Variants in CACNA1S observed in about 807,000 individuals in gnomAD.
The protein encoded by CACNA1S is voltage-dependent L-type calcium channel subunit alpha-1S.
Under a neutral mutation model 207.4 loss-of-function variants are expected in CACNA1S, and 126 were observed. The ratio of observed to expected loss-of-function variants is 0.61; its 90% CI spans 0.53 to 0.70. The LOEUF (loss-of-function observed/expected upper bound fraction) is 0.70, where lower values mean the gene tolerates loss of function less well. CACNA1S is among the 30% of genes least tolerant of loss of function. The pLI, the probability that CACNA1S is intolerant of heterozygous loss-of-function variation, is 0.00. For synonymous variants in CACNA1S, 960 were observed against 932.7 expected, an observed-to-expected ratio of 1.03 and a Z score of -0.53; for missense variants, 2,349 against 2,422.8, an observed-to-expected ratio of 0.97 and a Z score of 0.64.
At chr1:201,092,152 T>C (rs1662258266) in intron 3 of CACNA1S, 38 bp from the exon 4 acceptor site, 5 of 1,613,834 alleles carry the variant, frequency 3.1e-6, no homozygotes, top group Non-Finnish European at 4.2e-6. Flanking sequence ...GTCCAGGGGT[T>C]GGAAAAGCCA....
intron 17 of CACNA1S, 43 bp from the exon 18 acceptor site, chr1:201,069,644 T>A (rs1661382993): frequency 3.9e-6 from 6 of 1,549,070 alleles, no homozygotes; most frequent in Non-Finnish European, 5.2e-6. Context: ...TGTGAGCTGC[T>A]GGAGGCTCAG....
rs567026167 is a variant in CACNA1S at position 201,104,078 on chromosome 1, A to G, written c.258+6086T>C. Among the ~76,000 whole-genome samples, 8 of 152,366 alleles carry G rather than the reference A, an allele frequency of 5.3e-5. No homozygotes were observed. In the East Asian group the frequency reaches 1.5e-3, roughly 29 times the overall value. ...ATTATCCAGAACTTGGAAATAAAGC[A>G]AAGAAAGGATGCCATATCTTTGTAA... On this transcript the variant is annotated intron_variant, in intron 2 of 43. Coordinates refer to ENST00000362061, the MANE Select transcript of CACNA1S (RefSeq NM_000069.3).
chr1:201,072,895 G>A lies in CACNA1S; in HGVS notation c.2158-71C>T, dbSNP rs560844054. 7 of 1,135,366 alleles carry A rather than the reference G, an allele frequency of 6.2e-6. No individual in the cohort carries two copies. In the African/African-American group the frequency reaches 9.1e-5, roughly 15 times the overall value. 70.3% of individuals were successfully genotyped at this position (1,135,366 alleles called of 1,614,324 possible). A position where few individuals can be genotyped will look rare whatever the true frequency, so the allele number is the denominator to read the frequency against. ...GGTTTCCCCTCAATGAGCATATACT[G>A]GAGAGCCTGTTAGCGTTCAGCTCAC... On this transcript the variant is annotated intron_variant, in intron 15 of 43. Transcript: ENST00000362061.
chr1:201,069,245 A>T (rs376923383), intron 18 of CACNA1S, 49 bp from the exon 19 acceptor site: 18 of 1,552,432 alleles, frequency 1.2e-5, no homozygotes, highest in Non-Finnish European at 1.6e-5. Context: ...AGGAGGGGGC[A>T]ACAGTATCAG....
chr1:201,086,533 G>A (rs1286912412), intron 7 of CACNA1S, among the ~76,000 whole-genome samples: 8 of 152,292 alleles, frequency 5.3e-5, no homozygotes, highest in South Asian at 4.1e-4. Flanking sequence ...CCTGGACAGC[G>A]TGTTACCATA....
chr1:201,069,737 C>T, intron 17 of CACNA1S, 136 bp from the exon 18 acceptor site: 1 of 1,028,864 alleles, frequency 9.7e-7, no homozygotes, highest in Admixed American at 2.2e-5. Flanking sequence ...CAGCCCTGCA[C>T]CTGCAGGGTC....
In CACNA1S at chr1:201,093,733, T is replaced by C. The variant is rs10920114; in HGVS notation, c.398+149A>G. 9.5e-3 allele frequency: 9,029 copies of C among 951,310 alleles called. 367 individuals carry two copies. In the African/African-American group the frequency reaches 0.11, roughly 11 times the overall value. 58.9% of individuals were successfully genotyped at this position (951,310 alleles called of 1,614,324 possible). On this transcript the variant is annotated intron_variant, in intron 3 of 43. Transcript: ENST00000362061. ...CCACCAACATGGACAGCTCCCTTGC[T>C]GGGCCGGCCTCTAACAGAGGCTGCT...
chr1:201,073,044 GC>G (rs1449575072), intron 15 of CACNA1S, among the ~76,000 whole-genome samples: 1 of 152,166 alleles, frequency 6.6e-6, no homozygotes, highest in African/African-American at 2.4e-5. Context: ...GCCTGAGCCC[GC>G]CCTAGCCTGT....
rs764561113 is a variant in CACNA1S, at chr1:201,040,704, C to T, written c.5144G>A (p.Ser1715Asn). The change falls in exon 42 of 44, where the codon AGC becomes AAC. Residue 1715 changes from serine (S) to asparagine (N), a missense_variant. Coordinates refer to ENST00000362061, the MANE Select transcript of CACNA1S (RefSeq NM_000069.3). ...GQPCRVLGPHSKPCVEMLKGL... is the reference protein window; with the variant it reads ...GQPCRVLGPHNKPCVEMLKGL... ...CTTCAGCATCTCCACACAGGGTTTGCTGTGGGGTCCTGTATGCAAGAAGGG... is the reference window on the plus strand; with the variant it reads ...CTTCAGCATCTCCACACAGGGTTTGTTGTGGGGTCCTGTATGCAAGAAGGG... The T allele has an allele frequency of 3.1e-6, 5 of 1,613,620 alleles. No individual in the cohort carries two copies. The East Asian group carries it at 1.1e-4, about 36-fold the overall frequency.
Position 201,074,597 on chromosome 1 carries a change from C to T in CACNA1S, c.1972G>A (p.Ala658Thr). The T allele has an allele frequency of 6.2e-7, 1 of 1,613,202 alleles. No homozygotes were observed. Among genetic ancestry groups the T allele is most frequent in the Non-Finnish European group, 8.5e-7 (1 of 1,179,258 alleles). ...TCGGCCAGGTTGTCCACGGCAATGG[C>T]CAGGAAGACATTGAGCAGGATGTCT... ...GNYILLNVFL[A>T]IAVDNLAEAE... The change falls in exon 14 of 44, where the codon GCC (alanine) becomes ACC (threonine). Residue 658 changes from alanine (A) to threonine (T), a missense_variant. Coordinates refer to ENST00000362061, the MANE Select transcript of CACNA1S (RefSeq NM_000069.3).
chr1:201,039,989 G>C lies in CACNA1S; in HGVS notation c.5464C>G (p.Pro1822Ala). The change falls in exon 44 of 44, where the codon CCA becomes GCA. Residue 1822 changes from proline (P) to alanine (A), a missense_variant. Physicochemically the swap from Pro to Ala is conservative, Grantham distance 27. Transcript: ENST00000362061. ...QALADACQME[P>A]EEVEIMATEL... Reference sequence around the variant, plus strand: ...GTTGCCATGATCTCCACTTCCTCTGGTTCCATTTGGCAGGCATCTGCCAGG... The same window carrying C: ...GTTGCCATGATCTCCACTTCCTCTGCTTCCATTTGGCAGGCATCTGCCAGG... 1 of 1,614,238 alleles carries C rather than the reference G, an allele frequency of 6.2e-7. No individual in the cohort carries two copies. Among genetic ancestry groups the C allele is most frequent in the Non-Finnish European group, 8.5e-7 (1 of 1,180,042 alleles).
rs1243054524 is a variant in CACNA1S at position 201,075,490 on chromosome 1, G to A, written c.1948+5C>T. 1 of 1,613,604 alleles carries A rather than the reference G, an allele frequency of 6.2e-7. No individual in the cohort carries two copies. The highest frequency in any genetic ancestry group is 8.5e-7 in the Non-Finnish European group (1 of 1,179,908). On this transcript the variant is annotated splice_donor_5th_base_variant and intron_variant, in intron 13 of 43. Coordinates refer to ENST00000362061, the MANE Select transcript of CACNA1S (RefSeq NM_000069.3). Reference sequence around the variant, plus strand: ...CTTTTCTGCACCCTGCTCCCGAGAGGATACAGTTGCCACAGACGAAAAGGA... The same window carrying A: ...CTTTTCTGCACCCTGCTCCCGAGAGAATACAGTTGCCACAGACGAAAAGGA...
At position 201,040,104 on chromosome 1, in the gene CACNA1S, G is replaced by C. The variant is rs374523991; in HGVS notation, c.5371-22C>G. 17 of 1,613,532 alleles carry C rather than the reference G, an allele frequency of 1.1e-5. No individual in the cohort carries two copies. In the African/African-American group the frequency reaches 2.3e-4, roughly 22 times the overall value. On this transcript the variant is annotated intron_variant, in intron 43 of 43. Coordinates refer to ENST00000362061, the MANE Select transcript of CACNA1S (RefSeq NM_000069.3). ...GAGCCTGCAGGGAGGAGAGTAGGCT[G>C]AGTGGGGTCTTCCTGGGGAGCCACA...
Position 201,060,808 on chromosome 1 carries a change from A to C in CACNA1S, c.3264T>G (p.Cys1088Trp). 6.2e-7 allele frequency: 1 copy of C among 1,614,218 alleles called. No homozygotes were observed. The highest frequency in any genetic ancestry group is 8.5e-7 in the Non-Finnish European group (1 of 1,180,042). ...GGCGGGCCTTCAGGGCATACTGTACACATTGGCGCTGTGACACATACAACA... is the reference window on the plus strand; with the variant it reads ...GGCGGGCCTTCAGGGCATACTGTACCCATTGGCGCTGTGACACATACAACA... Reference protein sequence around the residue: ...NCELDKNQRQCVQYALKARPL... With the variant: ...NCELDKNQRQWVQYALKARPL... Residue 1088 changes from cysteine to tryptophan, a missense_variant, in exon 26 of 44, where the codon TGT becomes TGG. Coordinates refer to ENST00000362061, the MANE Select transcript of CACNA1S (RefSeq NM_000069.3).
intron 26 of CACNA1S, among the ~76,000 whole-genome samples, chr1:201,059,777 C>A (rs1049719611): frequency 1.3e-5 from 2 of 152,236 alleles, no homozygotes; most frequent in Admixed American, 1.3e-4. Flanking sequence ...CTTACTGTGT[C>A]TGCACACCAC....
chr1:201,081,576 C>T (rs1418799324), intron 10 of CACNA1S, among the ~76,000 whole-genome samples: 1 of 152,254 alleles, frequency 6.6e-6, no homozygotes, highest in African/African-American at 2.4e-5. Context: ...TTTAACTTCT[C>T]ACTGGCTTTC....
chr1:201,085,604 G>C (rs769004934), intron 7 of CACNA1S, 23 bp from the exon 8 acceptor site: 13 of 1,613,484 alleles, frequency 8.1e-6, no homozygotes, highest in Middle Eastern at 1.6e-4. Context: ...GGGGGAGCCA[G>C]GAGAGGAGGA....
intron 11 of CACNA1S, 35 bp from the exon 12 acceptor site, chr1:201,077,162 A>G (rs760160654): frequency 1.9e-6 from 3 of 1,574,258 alleles, no homozygotes; most frequent in Non-Finnish European, 1.7e-6. Context: ...GGGAGGAGAC[A>G]GACCCTCTCA....
chr1:201,080,131 A>G (rs1428937390), intron 10 of CACNA1S, among the ~76,000 whole-genome samples: 3 of 152,024 alleles, frequency 2.0e-5, no homozygotes, highest in Non-Finnish European at 4.4e-5. Flanking sequence ...ATCCCCTCCA[A>G]TGCGTCCCAG....
Sources: gnomAD v4.1 joint callset for allele counts (sites outside exome capture counted in the v4.1 genomes callset) on GRCh38, gnomAD v4.1.1 for gene constraint, MANE v1.5 for transcripts, NCBI Gene and HGNC (gene_info 2026-07-23, HGNC 2026-07-21) for gene names.